PFKFB3: variants seen among roughly 807,000 people sequenced by gnomAD.
PFKFB3 encodes 6-phosphofructo-2-kinase/fructose-2,6-biphosphatase 3.
In PFKFB3, 33 loss-of-function variants were observed where a neutral mutation model predicts 68.0. That is an observed-to-expected ratio of 0.49 (90% confidence interval 0.37 to 0.65). PFKFB3 has a LOEUF of 0.65. PFKFB3 is among the 30% of genes least tolerant of loss of function. The pLI is 0.00. For synonymous variants in PFKFB3, 315 were observed against 288.2 expected (o/e 1.09, Z -0.94); for missense variants, 586 against 712.2 (o/e 0.82, Z 2.02).
chr10:6,247,957 A>G (rs1359531682), intron 14 of PFKFB3, among the ~76,000 whole-genome samples: 2 of 152,240 alleles, frequency 1.3e-5, no homozygotes, highest in African/African-American at 2.4e-5. Flanking sequence ...GTAGGAGGTT[A>G]GAATATTTGC....
chr10:6,268,580 G>T, the PFKFB3 span, among the ~76,000 whole-genome samples: 1 of 152,014 alleles, frequency 6.6e-6, no homozygotes, highest in Admixed American at 6.5e-5. Flanking sequence ...AGCCAAGATT[G>T]TGCCACTGCA....
At chr10:6,267,954 C>CAAA in the PFKFB3 span, among the ~76,000 whole-genome samples, 37,638 of 85,648 alleles carry the variant, frequency 0.44, 9,245 homozygotes, top group Non-Finnish European at 0.56. Context: ...GACCCTATCT[C>CAAA]AAAAAAAAAA....
At chr10:6,145,021 TC>T in intron 1 of PFKFB3, 1 of 1,333,060 alleles carries the variant, frequency 7.5e-7, no homozygotes, top group Admixed American at 3.5e-5. Flanking sequence ...AAGGTAGGAG[TC>T]CCGGTGACGC....
intron 14 of PFKFB3, among the ~76,000 whole-genome samples, chr10:6,253,669 A>G (rs1846431434): frequency 6.6e-6 from 1 of 152,108 alleles, no homozygotes; most frequent in Non-Finnish European, 1.5e-5. Context: ...AGATGCGGTC[A>G]TATCCTGGTG....
chr10:6,289,879 T>C, the PFKFB3 span, among the ~76,000 whole-genome samples: 36,091 of 144,912 alleles, frequency 0.25, 4,351 homozygotes, highest in South Asian at 0.33. Context: ...TTTTATTTCA[T>C]TGAGCAGTGG....
At chr10:6,145,215 C>T (rs1588369021) in intron 1 of PFKFB3, among the ~76,000 whole-genome samples, 1 of 151,810 alleles carries the variant, frequency 6.6e-6, no homozygotes, top group African/African-American at 2.4e-5. Context: ...GCGTGTCCCT[C>T]CAGATCCGCA....
At chr10:6,251,311 C>T (rs998920912) in intron 14 of PFKFB3, among the ~76,000 whole-genome samples, 9 of 152,152 alleles carry the variant, frequency 5.9e-5, no homozygotes, top group Admixed American at 1.3e-4. Flanking sequence ...CAGACTCAGC[C>T]GTCATCTCCA....
At chr10:6,271,203 A>G in the PFKFB3 span, among the ~76,000 whole-genome samples, 1 of 152,252 alleles carries the variant, frequency 6.6e-6, no homozygotes, top group Non-Finnish European at 1.5e-5. Flanking sequence ...TGGCCATGCA[A>G]TTGCTGAAGT....
At chr10:6,286,312 G>A in the PFKFB3 span, among the ~76,000 whole-genome samples, 7 of 151,244 alleles carry the variant, frequency 4.6e-5, no homozygotes, top group African/African-American at 1.7e-4. Context: ...TTTAATTTGG[G>A]TTTCTTGTAG....
At chr10:6,304,845 C>CTT in the PFKFB3 span, among the ~76,000 whole-genome samples, 1 of 73,806 alleles carries the variant, frequency 1.4e-5, no homozygotes, top group Non-Finnish European at 2.6e-5. Context: ...ATATTAGGAA[C>CTT]TTTTTTTTTT....
chr10:6,148,490 G>A (rs373979819), intron 1 of PFKFB3, among the ~76,000 whole-genome samples: 49 of 152,350 alleles, frequency 3.2e-4, no homozygotes, highest in African/African-American at 1.1e-3. Context: ...TGGCCCAGGT[G>A]GGGGAAGGAT....
the PFKFB3 span, among the ~76,000 whole-genome samples, chr10:6,309,396 C>T: frequency 6.6e-6 from 1 of 152,146 alleles, no homozygotes; most frequent in Non-Finnish European, 1.5e-5. Context: ...TAGCTTGAAC[C>T]TGGGAGGCAG....
At chr10:6,176,652 C>T (rs1842483228) in intron 1 of PFKFB3, among the ~76,000 whole-genome samples, 1 of 152,174 alleles carries the variant, frequency 6.6e-6, no homozygotes, top group African/African-American at 2.4e-5. Flanking sequence ...ACCCAAAGCA[C>T]TGGGATTACA....
intron 1 of PFKFB3, among the ~76,000 whole-genome samples, chr10:6,183,594 G>C (rs1453383202): frequency 1.8e-5 from 1 of 56,700 alleles, no homozygotes; most frequent in Non-Finnish European, 3.3e-5. Flanking sequence ...TTCGAGACCA[G>C]CCTGGTCAAA....
chr10:6,294,292 TA>T, the PFKFB3 span: 1 of 494,386 alleles, frequency 2.0e-6, no homozygotes. Flanking sequence ...ACACTGTTAA[TA>T]AAGACATACC....
intron 1 of PFKFB3, among the ~76,000 whole-genome samples, chr10:6,196,153 A>G (rs1486143012): frequency 2.1e-5 from 3 of 145,736 alleles, no homozygotes. Flanking sequence ...CTTTTTTGAG[A>G]TGGAGTCTCG....
At chr10:6,264,198 A>T in the PFKFB3 span, among the ~76,000 whole-genome samples, 6 of 152,190 alleles carry the variant, frequency 3.9e-5, no homozygotes, top group African/African-American at 1.4e-4. Context: ...TAGATGTTCC[A>T]TTACGTATTC....
the PFKFB3 span, among the ~76,000 whole-genome samples, chr10:6,316,804 A>G: frequency 6.6e-6 from 1 of 152,118 alleles, no homozygotes; most frequent in African/African-American, 2.4e-5. Context: ...ATCTTCTTCC[A>G]GCCTTCTGCA....
chr10:6,280,204 G>T, the PFKFB3 span, among the ~76,000 whole-genome samples: 95,677 of 152,164 alleles, frequency 0.63, 30,750 homozygotes, highest in Middle Eastern at 0.72. Context: ...CCAGGCAGAA[G>T]GAATTGGATT....
Sources: gnomAD v4.1 joint callset for allele counts (sites outside exome capture counted in the v4.1 genomes callset) on GRCh38, gnomAD v4.1.1 for gene constraint, MANE v1.5 for transcripts, NCBI Gene and HGNC (gene_info 2026-07-23, HGNC 2026-07-21) for gene names.